MYBPC3: variants seen among roughly 807,000 people sequenced by gnomAD.
MYBPC3 encodes the protein myosin-binding protein C, cardiac-type.
Under a neutral mutation model 159.3 loss-of-function variants are expected in MYBPC3, and 108 were observed. The ratio of observed to expected loss-of-function variants is 0.68; its 90% CI spans 0.58 to 0.80. The LOEUF (loss-of-function observed/expected upper bound fraction) is 0.80. Ranked by LOEUF, MYBPC3 falls within the 30% of genes least tolerant of loss-of-function variation. MYBPC3 has a pLI of 0.00. For synonymous variants in MYBPC3, 730 were observed against 702.0 expected, an observed-to-expected ratio of 1.04 and a Z score of -0.63; for missense variants, 1,631 against 1,762.1, an observed-to-expected ratio of 0.93 and a Z score of 1.33.
At chr11:47,337,227 G>A (rs1465253343) in intron 25 of MYBPC3, among the ~76,000 whole-genome samples, 164 bp downstream of exon 25, 1 of 152,154 alleles carries the variant, frequency 6.6e-6, no homozygotes, top group Non-Finnish European at 1.5e-5. Flanking sequence ...ACTGCTTGGA[G>A]CCTGTTTCCT....
In MYBPC3 at chr11:47,348,226, C is replaced by T. The variant is rs553982705; in HGVS notation, c.772+198G>A. ...AACAGAGTCCCACCCAGATGAGACCCGGACTCAGCCCTAAGCCCCCACGCC... is the reference window on the plus strand; with the variant it reads ...AACAGAGTCCCACCCAGATGAGACCTGGACTCAGCCCTAAGCCCCCACGCC... On this transcript the variant is annotated intron_variant, in intron 6 of 34. Coordinates refer to ENST00000545968, the MANE Select transcript of MYBPC3 (RefSeq NM_000256.3). Among the ~76,000 whole-genome samples, 28 of 152,298 alleles carry T rather than the reference C, an allele frequency of 1.8e-4. No individual in the cohort carries two copies. In the East Asian group the frequency reaches 2.7e-3, roughly 15 times the overall value.
At chr11:47,340,869 T>A in intron 20 of MYBPC3, 134 bp downstream of exon 20, 1 of 1,026,832 alleles carries the variant, frequency 9.7e-7, no homozygotes, top group African/African-American at 1.6e-5. Context: ...TGGTCATGAG[T>A]GGCAAAGCTG....
intron 12 of MYBPC3, among the ~76,000 whole-genome samples, chr11:47,345,903 C>T (rs1259432851): frequency 6.6e-6 from 1 of 152,122 alleles, no homozygotes; most frequent in Non-Finnish European, 1.5e-5. Context: ...AACCTGAGCT[C>T]TGTCCTTTTC....
intron 9 of MYBPC3, 52 bp downstream of exon 9, chr11:47,347,374 A>G: frequency 6.4e-7 from 1 of 1,556,100 alleles, no homozygotes; most frequent in Non-Finnish European, 8.7e-7. Flanking sequence ...CAGTGCTGGG[A>G]TTTGGAGCCA....
chr11:47,340,951 G>A, intron 20 of MYBPC3, 52 bp downstream of exon 20: 1 of 1,487,714 alleles, frequency 6.7e-7, no homozygotes, highest in Non-Finnish European at 9.0e-7. Flanking sequence ...GCCTGCGTGG[G>A]TGGGTTGCGG....
At chr11:47,331,774 G>T in intron 34 of MYBPC3, 58 bp from the exon 35 acceptor site, 1 of 1,484,222 alleles carries the variant, frequency 6.7e-7, no homozygotes, top group Non-Finnish European at 9.1e-7. Context: ...CCCATTTACT[G>T]ATGGCTGCCC....
In MYBPC3 at chr11:47,337,763, G is replaced by C; in HGVS notation, c.2340C>G (p.Ile780Met). ...DVPDAPAAPK[I>M]SNVGEDSCTV... ...TGCAGGAGTCCTCTCCCACGTTGCT[G>C]ATCTTGGGGGCCGCAGGTGCGTCTG... The change falls in exon 24 of 35, where the codon ATC becomes ATG. Residue 780 changes from isoleucine (I) to methionine (M), a missense_variant. Coordinates refer to ENST00000545968, the MANE Select transcript of MYBPC3 (RefSeq NM_000256.3). The C allele has an allele frequency of 6.4e-7, 1 of 1,554,172 alleles. No homozygotes were observed. The highest frequency in any genetic ancestry group is 8.7e-7 in the Non-Finnish European group (1 of 1,148,730).
Position 47,341,132 on chromosome 11 carries a change from G to A in MYBPC3, c.1897+6C>T. On this transcript the variant is annotated splice_donor_region_variant and intron_variant, in intron 19 of 34. Transcript: ENST00000545968. Reference sequence around the variant, plus strand: ...CCCGACCCACCCTACCCTGGAGCAGGCTCACCCATGAAGTGGAGCTTGGCT... The same window carrying A: ...CCCGACCCACCCTACCCTGGAGCAGACTCACCCATGAAGTGGAGCTTGGCT... 1 of 1,587,636 alleles carries A rather than the reference G, an allele frequency of 6.3e-7. No individual in the cohort carries two copies. Among genetic ancestry groups the A allele is most frequent in the Non-Finnish European group, 8.6e-7 (1 of 1,165,900 alleles).
In MYBPC3 at chr11:47,337,792, C is replaced by G; in HGVS notation, c.2311G>C (p.Val771Leu). 1 of 1,550,960 alleles carries G rather than the reference C, an allele frequency of 6.4e-7. No individual in the cohort carries two copies. The highest frequency in any genetic ancestry group is 8.7e-7 in the Non-Finnish European group (1 of 1,147,230). Residue 771 changes from valine to leucine, a missense_variant and splice_region_variant, in exon 24 of 35, where the codon GTG (valine) becomes CTG (leucine). Physicochemically the swap from Val to Leu is conservative, Grantham distance 32 (BLOSUM62 1). Transcript: ENST00000545968. ...QVNLTVKVIDVPDAPAAPKIS... is the reference protein window; with the variant it reads ...QVNLTVKVIDLPDAPAAPKIS... Reference sequence around the variant, plus strand: ...TTGGGGGCCGCAGGTGCGTCTGGCACGTCTGGATGGGGTGGGATGGACCCA... The same window carrying G: ...TTGGGGGCCGCAGGTGCGTCTGGCAGGTCTGGATGGGGTGGGATGGACCCA...
intron 13 of MYBPC3, 43 bp downstream of exon 13, chr11:47,343,448 GT>G: frequency 6.5e-7 from 1 of 1,544,702 alleles, no homozygotes; most frequent in Non-Finnish European, 8.7e-7. Flanking sequence ...GGCTATGGGG[GT>G]CCCCACCTCC....
At chr11:47,340,755 C>T (rs527296089) in intron 20 of MYBPC3, among the ~76,000 whole-genome samples, 76 of 152,336 alleles carry the variant, frequency 5.0e-4, no homozygotes, top group Non-Finnish European at 8.1e-4. Flanking sequence ...AGGTCTGATA[C>T]ATCATGTCAC....
At position 47,343,543 on chromosome 11, in the gene MYBPC3, T is replaced by C; in HGVS notation, c.1172A>G (p.Asp391Gly). 2 of 1,603,656 alleles carry C rather than the reference T, an allele frequency of 1.2e-6. No individual in the cohort carries two copies. Among genetic ancestry groups the C allele is most frequent in the Non-Finnish European group, 1.7e-6 (2 of 1,175,234 alleles). The change falls in exon 13 of 35, where the codon GAC becomes GGC. Residue 391 changes from aspartate to glycine, a missense_variant. Physicochemically the swap from Asp to Gly is moderately conservative, Grantham distance 94. Coordinates refer to ENST00000545968, the MANE Select transcript of MYBPC3 (RefSeq NM_000256.3). ...ATTCTTGAGCCATTTGACCTCAGCGTCATGGTCAGCCAGTTCCACGGTCAG... is the reference window on the plus strand; with the variant it reads ...ATTCTTGAGCCATTTGACCTCAGCGCCATGGTCAGCCAGTTCCACGGTCAG... ...IRLTVELADH[D>G]AEVKWLKNGQ...
At chr11:47,339,830 C>T (rs753959415) in intron 20 of MYBPC3, 40 bp from the exon 21 acceptor site, 39 of 1,601,324 alleles carry the variant, frequency 2.4e-5, no homozygotes, top group South Asian at 2.2e-4. Context: ...ACGGGAGAGC[C>T]AGGAGGAGCA....
At chr11:47,345,534 C>CTCGAGGTGTG (rs2095893271) in intron 12 of MYBPC3, among the ~76,000 whole-genome samples, 1 of 152,144 alleles carries the variant, frequency 6.6e-6, no homozygotes, top group South Asian at 2.1e-4. Context: ...TTATAGAGCG[C>CTCGAGGTGTG]TCGAGGTGTG....
chr11:47,346,454 G>A lies in MYBPC3; in HGVS notation c.927-84C>T. ...TTCCTGGGCCCAGGACCAAGGAGCT[G>A]TAGCCACCCCTGTCCCTCTGCCCCT... On this transcript the variant is annotated intron_variant, in intron 11 of 34. Transcript: ENST00000545968. This position sits in a 1 kb window ranked among gnomAD's most constrained non-coding sequence, Gnocchi z 5.3. The A allele has an allele frequency of 1.4e-6, 2 of 1,470,768 alleles. No homozygotes were observed. The highest frequency in any genetic ancestry group is 1.8e-6 in the Non-Finnish European group (2 of 1,104,142). The allele number at this position is 1,470,768 out of a possible 1,614,324, so 91.1% of individuals were successfully genotyped here.
chr11:47,347,837 C>A lies in MYBPC3; in HGVS notation c.821+20G>T, dbSNP rs1460920500. 6 of 1,559,476 alleles carry A rather than the reference C, an allele frequency of 3.8e-6. No individual in the cohort carries two copies. The highest frequency in any genetic ancestry group is 5.2e-6 in the Non-Finnish European group (6 of 1,152,048). On this transcript the variant is annotated intron_variant, in intron 7 of 34. Transcript: ENST00000545968. ...GACTCCAGCACTGGCCTCCCCCAGG[C>A]CCTGAGGATGGCCACTCACGTGCGG... is the stretch of plus-strand genomic sequence containing the variant.
chr11:47,335,798 G>A, intron 26 of MYBPC3, 79 bp downstream of exon 26: 1 of 1,283,418 alleles, frequency 7.8e-7, no homozygotes. Context: ...TAAAAAACTT[G>A]ACTACAGGTG....
rs770888201 is a variant in MYBPC3, at chr11:47,342,940, C to T, written c.1352-5G>A. On this transcript the variant is annotated splice_region_variant and splice_polypyrimidine_tract_variant and intron_variant, in intron 15 of 34. Transcript: ENST00000545968. ...GCGTGATGAGCACAGGGGGCTCTGT[C>T]CAGGCAGGGTGAGCATGAGGGTTGG... 3.7e-6 allele frequency: 6 copies of T among 1,610,946 alleles called. No homozygotes were observed. The Admixed American group carries it at 1.0e-4, about 27-fold the overall frequency.
rs573821685 is a variant in MYBPC3, at chr11:47,333,618, G to C, written c.3129C>G (p.Tyr1043Ter). 1 of 1,605,444 alleles carries C rather than the reference G, an allele frequency of 6.2e-7. No individual in the cohort carries two copies. Among genetic ancestry groups the C allele is most frequent in the Non-Finnish European group, 8.5e-7 (1 of 1,179,830 alleles). The change falls in exon 29 of 35, where the codon TAC becomes TAG. Residue 1043 changes from tyrosine to a stop codon, truncating the protein, a stop_gained. Transcript: ENST00000545968. LOFTEE classifies it high-confidence loss of function. ...RAARRVHSGT[Y>*]QVTVRIENME... is the part of the protein sequence containing the mutation. ...TGTTCTCAATGCGCACCGTCACCTG[G>C]TAAGTGCCTGAATGCACGCGGCGAG...
Sources: allele counts gnomAD v4.1 joint callset (sites outside exome capture counted in the v4.1 genomes callset), GRCh38; gene constraint gnomAD v4.1.1; non-coding constraint Gnocchi (gnomAD v3.1); transcripts MANE v1.5; gene names NCBI Gene and HGNC (gene_info 2026-07-23, HGNC 2026-07-21).